STAG1: variants seen among roughly 807,000 people sequenced by gnomAD.
STAG1 encodes the protein STAG1 cohesin complex component.
In STAG1, 26 loss-of-function variants were observed where a neutral mutation model predicts 170.9. The ratio of observed to expected loss-of-function variants is 0.15; its 90% confidence interval spans 0.11 to 0.21. STAG1 has a LOEUF of 0.21. Among genes scored for constraint, STAG1 ranks in the 10% least tolerant of loss-of-function variants. The pLI is 1.00. For synonymous variants in STAG1, 514 were observed against 497.7 expected (o/e 1.03, Z -0.44); for missense variants, 964 against 1,509.5 (o/e 0.64, Z 5.99).
intron 15 of STAG1, among the ~76,000 whole-genome samples, chr3:136,438,631 A>AT (rs1251284935): frequency 6.6e-6 from 1 of 152,098 alleles, no homozygotes; most frequent in Non-Finnish European, 1.5e-5. Context: ...AAAGCTACTT[A>AT]TTAACTCTTG....
chr3:136,689,347 C>T (rs916065601), intron 1 of STAG1, among the ~76,000 whole-genome samples: 5 of 152,162 alleles, frequency 3.3e-5, no homozygotes, highest in African/African-American at 1.2e-4. Context: ...CTGGATTAAA[C>T]TCAGAATAAA....
chr3:136,442,976 T>G lies in STAG1; in HGVS notation c.1546+311A>C, dbSNP rs1358382054. 2.0e-5 allele frequency among the ~76,000 whole-genome samples: 3 copies of G among 152,174 alleles called. No homozygotes were observed. The South Asian group carries it at 6.2e-4, about 32-fold the overall frequency. ...GTGAGTTATGACTGGGCCGCTGCAC[T>G]CCAGCCTGGGTGACAGAGCAAGACC... On this transcript the variant is annotated intron_variant, in intron 15 of 33. Transcript: ENST00000383202.
intron 1 of STAG1, among the ~76,000 whole-genome samples, chr3:136,708,541 A>T (rs2107915977): frequency 6.6e-6 from 1 of 152,244 alleles, no homozygotes; most frequent in East Asian, 1.9e-4. Context: ...TTGAAACTAG[A>T]GATGATTGCA....
intron 22 of STAG1, among the ~76,000 whole-genome samples, chr3:136,392,543 G>A (rs913070909): frequency 6.6e-6 from 1 of 152,018 alleles, no homozygotes; most frequent in Non-Finnish European, 1.5e-5. Flanking sequence ...GAGGCAGGTG[G>A]ATCACAAGGT....
At chr3:136,534,216 T>G (rs1935511940) in intron 6 of STAG1, among the ~76,000 whole-genome samples, 1 of 152,128 alleles carries the variant, frequency 6.6e-6, no homozygotes, top group Non-Finnish European at 1.5e-5. Flanking sequence ...TGCAGAAGAA[T>G]GAATCTGAAC....
At chr3:136,406,719 A>G (rs556538715) in intron 21 of STAG1, among the ~76,000 whole-genome samples, 124 of 152,338 alleles carry the variant, frequency 8.1e-4, no homozygotes, top group Non-Finnish European at 1.5e-3. Flanking sequence ...TGATTATCCA[A>G]TCAATGTACT....
intron 1 of STAG1, among the ~76,000 whole-genome samples, chr3:136,704,886 T>C (rs1224615111): frequency 1.4e-5 from 2 of 147,208 alleles, no homozygotes; most frequent in African/African-American, 5.0e-5. Context: ...GTTAATTCAT[T>C]AAGAAGATAT....
intron 4 of STAG1, among the ~76,000 whole-genome samples, chr3:136,590,509 A>C (rs1328904574): frequency 3.9e-5 from 6 of 152,136 alleles, no homozygotes; most frequent in South Asian, 2.1e-4. Flanking sequence ...AAAGAAAAAA[A>C]AAAACAAAAA....
chr3:136,377,837 A>G, intron 22 of STAG1, 85 bp from the exon 23 acceptor site: 4 of 1,110,398 alleles, frequency 3.6e-6, no homozygotes, highest in Non-Finnish European at 5.4e-6. Flanking sequence ...GAAAATAGCA[A>G]AACTGGTTTA....
At chr3:136,521,180 A>C (rs1260886582) in intron 7 of STAG1, 33 bp downstream of exon 7, 5 of 1,554,448 alleles carry the variant, frequency 3.2e-6, no homozygotes, top group African/African-American at 1.4e-5. Flanking sequence ...CAACAAAACT[A>C]AATGAAAAGG....
At chr3:136,601,577 G>A (rs1938678390) in intron 4 of STAG1, among the ~76,000 whole-genome samples, 1 of 152,176 alleles carries the variant, frequency 6.6e-6, no homozygotes, top group South Asian at 2.1e-4. Flanking sequence ...CACTTTGGGA[G>A]GGTGAGGCGG....
chr3:136,663,019 T>G (rs886672202), intron 1 of STAG1, among the ~76,000 whole-genome samples: 4 of 151,840 alleles, frequency 2.6e-5, no homozygotes, highest in Non-Finnish European at 5.9e-5. Context: ...TCACTGCACT[T>G]CCAGTCTGGG....
intron 1 of STAG1, among the ~76,000 whole-genome samples, chr3:136,648,585 T>G (rs1014582985): frequency 1.3e-5 from 2 of 152,164 alleles, no homozygotes; most frequent in Non-Finnish European, 2.9e-5. Context: ...TAAGTAAAAT[T>G]TAAGATTATG....
At chr3:136,339,869 A>G (rs1393350775) in intron 32 of STAG1, among the ~76,000 whole-genome samples, 1 of 152,212 alleles carries the variant, frequency 6.6e-6, no homozygotes, top group African/African-American at 2.4e-5. Context: ...AAGAAGTCCC[A>G]TATTCGGCAT....
intron 21 of STAG1, among the ~76,000 whole-genome samples, chr3:136,410,862 T>C (rs2087606079): frequency 1.3e-5 from 2 of 152,112 alleles, no homozygotes; most frequent in Admixed American, 6.6e-5. Context: ...TCATCCCAGC[T>C]ATTTGGGAGG....
chr3:136,411,901 CA>C (rs1171402474), intron 21 of STAG1, among the ~76,000 whole-genome samples: 1 of 150,422 alleles, frequency 6.6e-6, no homozygotes, highest in Non-Finnish European at 1.5e-5. Context: ...GCCAAGATCA[CA>C]AAAGCCTCCT....
At chr3:136,380,376 G>A (rs764529998) in intron 22 of STAG1, among the ~76,000 whole-genome samples, 1 of 151,968 alleles carries the variant, frequency 6.6e-6, no homozygotes, top group Non-Finnish European at 1.5e-5. Flanking sequence ...TGAGTAGCTG[G>A]GACTACAGGT....
At chr3:136,604,264 A>T (rs1460228231) in intron 4 of STAG1, 45 bp downstream of exon 4, 3 of 1,547,088 alleles carry the variant, frequency 1.9e-6, no homozygotes, top group Non-Finnish European at 1.7e-6. Flanking sequence ...CACCCAAGTT[A>T]TTAACTGTAT....
Position 136,500,214 on chromosome 3 carries a change from A to G in STAG1, c.902+9T>C, listed in dbSNP as rs576502478. On this transcript the variant is annotated intron_variant, in intron 9 of 33. Coordinates refer to ENST00000383202, the MANE Select transcript of STAG1 (RefSeq NM_005862.3). ...AAAAGCCTTCAAAATTATTTTTAAA[A>G]TCTCTTACCGGTATCTATGAACAAA... The G allele has an allele frequency of 6.6e-7, 1 of 1,506,910 alleles. No individual in the cohort carries two copies. Among genetic ancestry groups the G allele is most frequent in the East Asian group, 2.3e-5 (1 of 44,036 alleles). 93.3% of individuals were successfully genotyped at this position (1,506,910 alleles called of 1,614,324 possible). A position where few individuals can be genotyped will look rare whatever the true frequency, so the allele number is the denominator to read the frequency against.
Sources: gnomAD v4.1 joint callset for allele counts (sites outside exome capture counted in the v4.1 genomes callset) on GRCh38, gnomAD v4.1.1 for gene constraint, MANE v1.5 for transcripts, NCBI Gene and HGNC (gene_info 2026-07-23, HGNC 2026-07-21) for gene names.